The following AKAP10 variants were observed in gnomAD, a reference collection of about 807,000 sequenced individuals.
AKAP10 encodes A-kinase anchoring protein 10, also known as A-kinase anchor protein 10, mitochondrial.
In AKAP10, 24 loss-of-function variants were observed where a neutral mutation model predicts 80.8. That is an observed-to-expected ratio of 0.30 (90% CI 0.22 to 0.42). AKAP10 has a LOEUF of 0.42. Among genes scored for constraint, AKAP10 ranks in the 10% least tolerant of loss-of-function variants. The pLI is 1.00. For missense variants in AKAP10, 661 were observed against 794.9 expected (o/e 0.83, Z 2.03); for synonymous variants, 291 against 277.7 (o/e 1.05, Z -0.48).
At chr17:19,912,952 A>G (rs1428186828) in intron 12 of AKAP10, among the ~76,000 whole-genome samples, 1 of 151,680 alleles carries the variant, frequency 6.6e-6, no homozygotes, top group Non-Finnish European at 1.5e-5. Context: ...CACAGACCAC[A>G]ATCTCCACAT....
chr17:19,918,147 G>A (rs1183327362), intron 12 of AKAP10, among the ~76,000 whole-genome samples: 3 of 150,476 alleles, frequency 2.0e-5, no homozygotes, highest in African/African-American at 7.3e-5. Context: ...TTGAACCCAG[G>A]AGGCAGAGGT....
chr17:19,943,049 G>A (rs1375311051), intron 5 of AKAP10, among the ~76,000 whole-genome samples: 2 of 151,988 alleles, frequency 1.3e-5, no homozygotes, highest in African/African-American at 2.4e-5. Flanking sequence ...GAGCTATTAC[G>A]CCTGGCCAAT....
At chr17:19,913,133 G>A (rs1031928378) in intron 12 of AKAP10, among the ~76,000 whole-genome samples, 14 of 144,762 alleles carry the variant, frequency 9.7e-5, no homozygotes, top group African/African-American at 2.6e-4. Context: ...ACTCGTACCC[G>A]CCACCACGCC....
intron 12 of AKAP10, among the ~76,000 whole-genome samples, chr17:19,916,258 T>G (rs576898744): frequency 2.6e-5 from 4 of 152,212 alleles, no homozygotes; most frequent in Non-Finnish European, 5.9e-5. Context: ...CTGCTTTTCA[T>G]GTAACACATG....
At chr17:19,956,600 A>G (rs114572820) in intron 4 of AKAP10, among the ~76,000 whole-genome samples, 501 of 152,268 alleles carry the variant, frequency 3.3e-3, no homozygotes, top group African/African-American at 0.011. Context: ...TGTGTTGCCC[A>G]GGTTGGTCTC....
chr17:19,935,028 A>C (rs1264362057), intron 9 of AKAP10, among the ~76,000 whole-genome samples: 1 of 152,096 alleles, frequency 6.6e-6, no homozygotes, highest in Non-Finnish European at 1.5e-5. Flanking sequence ...TCAATCAATC[A>C]ATCAATCAAT....
At chr17:19,946,256 T>TAAA (rs1488259519) in intron 5 of AKAP10, among the ~76,000 whole-genome samples, 1 of 23,640 alleles carries the variant, frequency 4.2e-5, no homozygotes, top group African/African-American at 1.8e-4. Flanking sequence ...TATATATATA[T>TAAA]ATATATATAT....
intron 2 of AKAP10, among the ~76,000 whole-genome samples, chr17:19,964,955 TCACA>T (rs2043398752): frequency 6.6e-6 from 1 of 152,182 alleles, no homozygotes; most frequent in Admixed American, 6.5e-5. Flanking sequence ...AACATCTTAC[TCACA>T]CCCTCCACAT....
rs745466247 is a variant in AKAP10 at position 19,962,944 on chromosome 17, G to A, written c.215C>T (p.Ala72Val). ...LLEAAGPSHVAINAISANMDS... is the reference protein window; with the variant it reads ...LLEAAGPSHVVINAISANMDS... ...CATGTTGGCAGAAATGGCATTGATT[G>A]CAACATGACTTGGTCCTGCAGCCTC... Residue 72 changes from alanine to valine, a missense_variant, in exon 3 of 15, where the codon GCA becomes GTA. Coordinates refer to ENST00000225737, the MANE Select transcript of AKAP10 (RefSeq NM_007202.4). The A allele has an allele frequency of 2.5e-6, 4 of 1,613,964 alleles. No homozygotes were observed. The South Asian group carries it at 4.4e-5, about 18-fold the overall frequency.
At chr17:19,954,921 T>TAA (rs557915365) in intron 4 of AKAP10, among the ~76,000 whole-genome samples, 16 of 146,128 alleles carry the variant, frequency 1.1e-4, no homozygotes, top group Non-Finnish European at 1.1e-4. Context: ...AATGTAAATT[T>TAA]AAAAAAAAAA....
chr17:19,949,475 A>C (rs753335207), intron 4 of AKAP10, among the ~76,000 whole-genome samples: 1 of 152,180 alleles, frequency 6.6e-6, no homozygotes, highest in African/African-American at 2.4e-5. Flanking sequence ...ATGTCAAAAA[A>C]ATATTTAAAG....
At chr17:19,956,729 G>T (rs1342644780) in intron 4 of AKAP10, among the ~76,000 whole-genome samples, 3 of 152,128 alleles carry the variant, frequency 2.0e-5, no homozygotes, top group Non-Finnish European at 4.4e-5. Context: ...ATGCCGTCAG[G>T]TGTGGTGATT....
chr17:19,949,615 A>C (rs933689562), intron 4 of AKAP10, among the ~76,000 whole-genome samples: 12 of 152,102 alleles, frequency 7.9e-5, no homozygotes, highest in Non-Finnish European at 1.8e-4. Context: ...TAAAAATACA[A>C]AAATTAGCTG....
chr17:19,939,495 T>C (rs1311091233), intron 8 of AKAP10, among the ~76,000 whole-genome samples: 3 of 152,140 alleles, frequency 2.0e-5, no homozygotes, highest in Non-Finnish European at 2.9e-5. Flanking sequence ...AACACCACCA[T>C]TGCCATCCTG....
At chr17:19,925,289 T>C (rs976399425) in intron 10 of AKAP10, among the ~76,000 whole-genome samples, 1 of 152,214 alleles carries the variant, frequency 6.6e-6, no homozygotes, top group African/African-American at 2.4e-5. Context: ...AAAGCTGTCA[T>C]ACATCCAGAA....
chr17:19,969,645 A>C (rs143651514), intron 1 of AKAP10, among the ~76,000 whole-genome samples: 1,746 of 152,244 alleles, frequency 0.011, 11 homozygotes, highest in Non-Finnish European at 0.019. Context: ...TTGAAAGGTG[A>C]AAGGCTAGTA....
intron 11 of AKAP10, 58 bp downstream of exon 11, chr17:19,924,350 T>C (rs2042851148): frequency 8.1e-7 from 1 of 1,237,528 alleles, no homozygotes; most frequent in South Asian, 1.7e-5. Context: ...AATTAAAAAA[T>C]TTAAAAGATG....
intron 11 of AKAP10, among the ~76,000 whole-genome samples, chr17:19,922,943 A>AT (rs2042834466): frequency 1.3e-5 from 2 of 152,324 alleles, no homozygotes; most frequent in South Asian, 4.1e-4. Flanking sequence ...TACATTATAC[A>AT]TACACACAAT....
At chr17:19,951,831 A>G (rs1257131831) in intron 4 of AKAP10, among the ~76,000 whole-genome samples, 6 of 151,404 alleles carry the variant, frequency 4.0e-5, no homozygotes, top group Non-Finnish European at 7.4e-5. Context: ...CCTTCCCTCA[A>G]CTATTGTCCT....
Sources: allele counts gnomAD v4.1 joint callset (sites outside exome capture counted in the v4.1 genomes callset), GRCh38; gene constraint gnomAD v4.1.1; transcripts MANE v1.5; gene names NCBI Gene and HGNC (gene_info 2026-07-23, HGNC 2026-07-21).